Variants in TTYH2 observed in about 807,000 individuals in gnomAD.
The protein encoded by TTYH2 is tweety family member 2, also known as protein tweety homolog 2.
TTYH2 carries 49 observed loss-of-function variants against 68.3 expected under a neutral mutation model. That is an observed-to-expected ratio of 0.72 (90% CI 0.57 to 0.91). TTYH2 has a LOEUF of 0.91. TTYH2 is among the 40% of genes least tolerant of loss of function. The pLI is 0.00. For missense variants in TTYH2, 631 were observed against 700.4 expected (o/e 0.90, Z 1.12); for synonymous variants, 272 against 300.8 (o/e 0.90, Z 0.99).
chr17:74,242,542 G>A (rs548078742), intron 4 of TTYH2, among the ~76,000 whole-genome samples: 3 of 152,178 alleles, frequency 2.0e-5, no homozygotes, highest in East Asian at 3.9e-4. Context: ...ACAGGTGCCC[G>A]CCACCACACC....
At chr17:74,228,140 C>T (rs573812900) in intron 2 of TTYH2, among the ~76,000 whole-genome samples, 49 of 152,114 alleles carry the variant, frequency 3.2e-4, no homozygotes, top group Non-Finnish European at 5.3e-4. Context: ...TGCGCCACCA[C>T]GCCCAGCTAA....
chr17:74,227,586 G>GTGT (rs1403519904), intron 2 of TTYH2, among the ~76,000 whole-genome samples: 2 of 152,106 alleles, frequency 1.3e-5, no homozygotes, highest in Non-Finnish European at 2.9e-5. Flanking sequence ...CCTCTGTGTG[G>GTGT]ATACAGTTGC....
Position 74,215,352 on chromosome 17 carries a change from G to C in TTYH2, c.129+1636G>C, listed in dbSNP as rs2050212486. 6.6e-6 allele frequency among the ~76,000 whole-genome samples: 1 copy of C among 151,848 alleles called. No homozygotes were observed. The highest frequency in any genetic ancestry group is 2.4e-5 in the African/African-American group (1 of 41,394). ...GATGGTAAGGGGACTCCCTCACCCT[G>C]ATGGCCCCAGAGACAGTTCCTATCA... On this transcript the variant is annotated intron_variant, in intron 1 of 13. Coordinates refer to ENST00000269346, the MANE Select transcript of TTYH2 (RefSeq NM_032646.6). This position sits in a 1 kb window ranked among gnomAD's most constrained non-coding sequence, Gnocchi z 4.3.
At chr17:74,244,636 T>C (rs1212956056) in intron 6 of TTYH2, among the ~76,000 whole-genome samples, 1 of 152,030 alleles carries the variant, frequency 6.6e-6, no homozygotes, top group Non-Finnish European at 1.5e-5. Context: ...CGGGTCCACA[T>C]GATCTTTAAA....
rs148606922 is a variant in TTYH2 at position 74,232,210 on chromosome 17, G to C, written c.414+1211G>C. Among the ~76,000 whole-genome samples, 140 of 152,298 alleles carry C rather than the reference G, an allele frequency of 9.2e-4. No homozygotes were observed. The highest frequency in any genetic ancestry group is 3.3e-3 in the African/African-American group (139 of 41,560). On this transcript the variant is annotated intron_variant, in intron 3 of 13. Transcript: ENST00000269346. The surrounding 1 kb of genome is among the most constrained non-coding windows in gnomAD (Gnocchi z 5.1). ...ATTGGACCCCATTTGCCCCCCTCCTGCTCCCTTAAGCTCCTCTAAGGCTTT... is the reference window on the plus strand; with the variant it reads ...ATTGGACCCCATTTGCCCCCCTCCTCCTCCCTTAAGCTCCTCTAAGGCTTT...
intron 8 of TTYH2, among the ~76,000 whole-genome samples, chr17:74,249,666 C>T (rs1242013992): frequency 6.6e-6 from 1 of 152,220 alleles, no homozygotes; most frequent in Non-Finnish European, 1.5e-5. Flanking sequence ...GTACTACTCA[C>T]AAGCTCCCAG....
Position 74,249,045 on chromosome 17 carries a change from T to A in TTYH2, c.839T>A (p.Phe280Tyr). 1 of 1,614,182 alleles carries A rather than the reference T, an allele frequency of 6.2e-7. No individual in the cohort carries two copies. Among genetic ancestry groups the A allele is most frequent in the Middle Eastern group, 1.7e-4 (1 of 6,060 alleles). The stretch of plus-strand genomic sequence containing the variant: ...GACTTCTGTGTGGCTCCTGACACCT[T>A]CATCCTGAACGTCACGGAGGGCCAG... ...TSDFCVAPDT[F>Y]ILNVTEGQIS... is the part of the protein sequence containing the mutation. The change falls in exon 7 of 14, where the codon TTC becomes TAC. Residue 280 changes from phenylalanine (F) to tyrosine (Y), a missense_variant. Phe to Tyr is a conservative substitution (Grantham distance 22, BLOSUM62 3). Transcript: ENST00000269346.
intron 1 of TTYH2, among the ~76,000 whole-genome samples, chr17:74,218,671 G>C (rs73995083): frequency 2.0e-5 from 3 of 152,178 alleles, no homozygotes; most frequent in African/African-American, 4.8e-5. Context: ...AGCGGCTGCC[G>C]AAGGGGGAGA....
rs1387934612 is a variant in TTYH2, at chr17:74,239,742, C to A, written c.635+2228C>A. Among the ~76,000 whole-genome samples, 1 of 152,162 alleles carries A rather than the reference C, an allele frequency of 6.6e-6. No individual in the cohort carries two copies. Among genetic ancestry groups the A allele is most frequent in the Non-Finnish European group, 1.5e-5 (1 of 68,028 alleles). ...TCCCCAGCAGATGGATGCTCATGGG[C>A]AAAAGAGCCTCCCTCCCAAGGGACA... On this transcript the variant is annotated intron_variant, in intron 4 of 13. Transcript: ENST00000269346. The surrounding 1 kb of genome is among the most constrained non-coding windows in gnomAD (Gnocchi z 5.3).
Position 74,222,585 on chromosome 17 carries a change from A to G in TTYH2, c.230A>G (p.Asp77Gly), listed in dbSNP as rs2050287149. Residue 77 changes from aspartate (D) to glycine (G), a missense_variant, in exon 2 of 14, where the codon GAT (aspartate) becomes GGT (glycine). Physicochemically the swap from Asp to Gly is moderately conservative, Grantham distance 94. Transcript: ENST00000269346. The surrounding 1 kb of genome is among the most constrained non-coding windows in gnomAD (Gnocchi z 5.2). ...LVCACHCRRDDAVQTKQHHSC... is the reference protein window; with the variant it reads ...LVCACHCRRDGAVQTKQHHSC... Reference sequence around the variant, plus strand: ...TGTGCATGCCACTGCCGGCGGGACGATGCGGTGCAGACCAAGCAGCACCAC... The same window carrying G: ...TGTGCATGCCACTGCCGGCGGGACGGTGCGGTGCAGACCAAGCAGCACCAC... The G allele has an allele frequency of 1.2e-6, 2 of 1,612,286 alleles. No homozygotes were observed. The highest frequency in any genetic ancestry group is 1.6e-4 in the Middle Eastern group (1 of 6,084).
In TTYH2 at chr17:74,217,165, A is replaced by G. The variant is rs1359089995; in HGVS notation, c.129+3449A>G. On this transcript the variant is annotated intron_variant, in intron 1 of 13. Transcript: ENST00000269346. The surrounding 1 kb of genome is among the most constrained non-coding windows in gnomAD (Gnocchi z 4.0). Reference sequence around the variant, plus strand: ...CACTGATGAGCTCAGTTCTTGAAACATCTTAGTAAGCTCCCAAAGGCTGTG... The same window carrying G: ...CACTGATGAGCTCAGTTCTTGAAACGTCTTAGTAAGCTCCCAAAGGCTGTG... 6.6e-6 allele frequency among the ~76,000 whole-genome samples: 1 copy of G among 152,230 alleles called. No homozygotes were observed. The highest frequency in any genetic ancestry group is 2.4e-5 in the African/African-American group (1 of 41,470).
chr17:74,214,361 C>G lies in TTYH2; in HGVS notation c.129+645C>G, dbSNP rs1037937397. Among the ~76,000 whole-genome samples, 1 of 152,062 alleles carries G rather than the reference C, an allele frequency of 6.6e-6. No homozygotes were observed. Among genetic ancestry groups the G allele is most frequent in the Non-Finnish European group, 1.5e-5 (1 of 68,014 alleles). On this transcript the variant is annotated intron_variant, in intron 1 of 13. Transcript: ENST00000269346. This position sits in a 1 kb window ranked among gnomAD's most constrained non-coding sequence, Gnocchi z 4.6. Reference sequence around the variant, plus strand: ...TGTTCCAGGGAAGGAAGGTGGCCTCCGTCAGCCCATCTCACACTGTTGTCC... The same window carrying G: ...TGTTCCAGGGAAGGAAGGTGGCCTCGGTCAGCCCATCTCACACTGTTGTCC...
intron 1 of TTYH2, among the ~76,000 whole-genome samples, chr17:74,216,739 C>T (rs1454014888): frequency 1.3e-5 from 2 of 152,230 alleles, no homozygotes; most frequent in Non-Finnish European, 2.9e-5. Flanking sequence ...GGCACCTTGG[C>T]CCTGGCGGGC....
intron 6 of TTYH2, chr17:74,248,167 G>A (rs891502357): frequency 1.8e-5 from 12 of 672,976 alleles, no homozygotes; most frequent in Non-Finnish European, 1.8e-5. Flanking sequence ...TGCCAGAGGA[G>A]GGGGACATCC....
chr17:74,219,768 A>G (rs556535844), intron 1 of TTYH2, among the ~76,000 whole-genome samples: 3 of 152,194 alleles, frequency 2.0e-5, no homozygotes, highest in African/African-American at 7.2e-5. Flanking sequence ...TCATGGCTGT[A>G]TAGTATTCTA....
chr17:74,256,215 G>C lies in TTYH2; in HGVS notation c.1524+2382G>C, dbSNP rs188054873. ...AGGTTCTATTTAATAGGTGGCGTTT[G>C]AGCCACAGTGTAGAGCAGGGGCTCA... On this transcript the variant is annotated intron_variant, in intron 13 of 13. Coordinates refer to ENST00000269346, the MANE Select transcript of TTYH2 (RefSeq NM_032646.6). Among the ~76,000 whole-genome samples the C allele has an allele frequency of 1.1e-4, 16 of 152,298 alleles. No individual in the cohort carries two copies. In the East Asian group the frequency reaches 2.9e-3, roughly 28 times the overall value.
In TTYH2 at chr17:74,239,703, G is replaced by C. The variant is rs970604828; in HGVS notation, c.635+2189G>C. On this transcript the variant is annotated intron_variant, in intron 4 of 13. Coordinates refer to ENST00000269346, the MANE Select transcript of TTYH2 (RefSeq NM_032646.6). This position sits in a 1 kb window ranked among gnomAD's most constrained non-coding sequence, Gnocchi z 5.3. The stretch of plus-strand genomic sequence containing the variant: ...TGTCCTGGATGCTCTGGATTGAAGG[G>C]ACCTTGGCCCCACTCCCCAGCAGAT... 5.9e-5 allele frequency among the ~76,000 whole-genome samples: 9 copies of C among 152,116 alleles called. No homozygotes were observed. The highest frequency in any genetic ancestry group is 1.2e-4 in the Non-Finnish European group (8 of 68,022).
intron 2 of TTYH2, among the ~76,000 whole-genome samples, chr17:74,226,156 C>A (rs867287246): frequency 6.6e-6 from 1 of 152,212 alleles, no homozygotes; most frequent in Non-Finnish European, 1.5e-5. Context: ...GTTTAAGGTG[C>A]CTTTGAACCA....
chr17:74,248,904 T>TG, intron 6 of TTYH2, 107 bp from the exon 7 acceptor site: 1 of 1,573,610 alleles, frequency 6.4e-7, no homozygotes, highest in Admixed American at 1.7e-5. Flanking sequence ...CTTTGCCACC[T>TG]GGGAGGGAGC....
Sources: gnomAD v4.1 joint callset for allele counts (sites outside exome capture counted in the v4.1 genomes callset) on GRCh38, gnomAD v4.1.1 for gene constraint, Gnocchi (gnomAD v3.1) non-coding constraint, MANE v1.5 for transcripts, NCBI Gene and HGNC (gene_info 2026-07-23, HGNC 2026-07-21) for gene names.